The following DOCK10 variants were observed in gnomAD, a reference collection of about 807,000 sequenced individuals.
DOCK10 encodes the protein dedicator of cytokinesis protein 10.
A neutral mutation model predicts 280.1 loss-of-function variants in DOCK10; 145 were observed. The ratio of observed to expected loss-of-function variants is 0.52; its 90% CI spans 0.45 to 0.59. The LOEUF (loss-of-function observed/expected upper bound fraction) is 0.59. Ranked by LOEUF, DOCK10 falls within the 20% of genes least tolerant of loss-of-function variation. The pLI, the probability that DOCK10 is intolerant of heterozygous loss-of-function variation, is 0.00. For missense variants in DOCK10, 2,368 were observed against 2,651.7 expected (o/e 0.89, Z 2.35); for synonymous variants, 915 against 942.2 (o/e 0.97, Z 0.53).
chr2:225,030,397 C>T (rs1315264947), intron 1 of DOCK10, among the ~76,000 whole-genome samples: 4 of 152,022 alleles, frequency 2.6e-5, no homozygotes, highest in Non-Finnish European at 4.4e-5. Flanking sequence ...AAACATAAAC[C>T]GCTCTCCATC....
chr2:224,811,277 T>C (rs1693754565), intron 31 of DOCK10, among the ~76,000 whole-genome samples: 1 of 152,240 alleles, frequency 6.6e-6, no homozygotes. Flanking sequence ...GCTGCATAAA[T>C]GTCTTCTTTT....
intron 18 of DOCK10, among the ~76,000 whole-genome samples, chr2:224,851,975 G>A (rs1001721697): frequency 2.5e-4 from 38 of 151,882 alleles, no homozygotes; most frequent in African/African-American, 8.2e-4. Context: ...AGCATCCCAC[G>A]GGTCCCCCAC....
chr2:224,865,854 C>A (rs1269844493), intron 11 of DOCK10, among the ~76,000 whole-genome samples: 1 of 145,130 alleles, frequency 6.9e-6, no homozygotes, highest in Non-Finnish European at 1.5e-5. Flanking sequence ...CTCTCTCTCT[C>A]TCACACACAC....
intron 1 of DOCK10, among the ~76,000 whole-genome samples, chr2:224,985,584 G>A (rs1705951377): frequency 6.7e-6 from 1 of 149,054 alleles, no homozygotes; most frequent in Admixed American, 6.7e-5. Context: ...AGACATGTAG[G>A]AAGAAAAAGT....
In DOCK10 at chr2:224,830,637, G is replaced by C. The variant is rs754883536; in HGVS notation, c.2965-25C>G. The C allele has an allele frequency of 2.8e-6, 4 of 1,433,190 alleles. No individual in the cohort carries two copies. The East Asian group carries it at 9.6e-5, about 34-fold the overall frequency. The allele number at this position is 1,433,190 out of a possible 1,614,324, so 88.8% of individuals were successfully genotyped here. ...GCTGTTGGGAAAAAAAAGGCAACGA[G>C]ACATTTATTATCCTATGGCAAAATA... On this transcript the variant is annotated intron_variant, in intron 26 of 55. Transcript: ENST00000258390.
rs1333512497 is a variant in DOCK10, at chr2:225,008,966, C to T, written c.123+33286G>A. On this transcript the variant is annotated intron_variant, in intron 1 of 55. Transcript: ENST00000258390. ...CCATAAATCTCAAGCCAAATACGTC[C>T]AGTGAGTTGTACATTTATCATGTTA... 2.6e-5 allele frequency among the ~76,000 whole-genome samples: 4 copies of T among 152,184 alleles called. No individual in the cohort carries two copies. In the East Asian group the frequency reaches 5.8e-4, roughly 22 times the overall value.
chr2:224,991,749 A>T (rs1297020642), intron 1 of DOCK10, among the ~76,000 whole-genome samples: 1 of 152,186 alleles, frequency 6.6e-6, no homozygotes, highest in East Asian at 1.9e-4. Context: ...GATGACAGAC[A>T]ATCTGAGAAA....
chr2:224,931,016 A>G (rs527258396), intron 2 of DOCK10, among the ~76,000 whole-genome samples: 2 of 152,164 alleles, frequency 1.3e-5, no homozygotes, highest in South Asian at 2.1e-4. Flanking sequence ...GGTAGTGTGC[A>G]TTGTCCTAAA....
chr2:224,967,089 T>TC (rs1704795130), intron 1 of DOCK10, among the ~76,000 whole-genome samples: 1 of 151,730 alleles, frequency 6.6e-6, no homozygotes, highest in Non-Finnish European at 1.5e-5. Context: ...AGTCTTTTTT[T>TC]TTTTTTTTGA....
At chr2:224,916,827 A>C (rs1037917015) in intron 2 of DOCK10, 43 bp from the exon 3 acceptor site, 13 of 1,461,524 alleles carry the variant, frequency 8.9e-6, no homozygotes, top group Non-Finnish European at 1.2e-5. Context: ...CCGGCTTAGA[A>C]GTGTCGAGCA....
At chr2:224,889,424 T>C (rs1250452322) in intron 4 of DOCK10, among the ~76,000 whole-genome samples, 2 of 152,100 alleles carry the variant, frequency 1.3e-5, no homozygotes, top group Non-Finnish European at 2.9e-5. Context: ...AAGTGTTTTT[T>C]ATTGTGATAA....
At chr2:224,870,384 G>A (rs930012520) in intron 11 of DOCK10, among the ~76,000 whole-genome samples, 5 of 152,176 alleles carry the variant, frequency 3.3e-5, no homozygotes, top group South Asian at 2.1e-4. Context: ...ATGGTTTCAA[G>A]GACTAAGTTT....
intron 4 of DOCK10, among the ~76,000 whole-genome samples, chr2:224,890,403 A>G (rs1388856071): frequency 6.6e-6 from 1 of 152,226 alleles, no homozygotes; most frequent in African/African-American, 2.4e-5. Context: ...TCAATGTAAA[A>G]GGCTAAATGC....
intron 1 of DOCK10, among the ~76,000 whole-genome samples, chr2:225,034,714 C>T (rs577378515): frequency 6.6e-6 from 1 of 152,234 alleles, no homozygotes; most frequent in East Asian, 1.9e-4. Flanking sequence ...TTCAATAGCA[C>T]TTATATTACA....
Position 224,770,506 on chromosome 2 carries a change from G to A in DOCK10, c.6305+39C>T, listed in dbSNP as rs994114911. On this transcript the variant is annotated intron_variant, in intron 54 of 55. Transcript: ENST00000258390. The surrounding 1 kb of genome is among the most constrained non-coding windows in gnomAD (Gnocchi z 4.5). ...GGGGATTGAGGACTCCCTGTCTCAG[G>A]AAGTTCAAGGAAGAACATCCCAACA... The A allele has an allele frequency of 3.8e-6, 6 of 1,590,052 alleles. 1 individual carries two copies. The highest frequency in any genetic ancestry group is 1.7e-5 in the Admixed American group (1 of 59,886).
At chr2:225,020,628 AT>A (rs1278689090) in intron 1 of DOCK10, among the ~76,000 whole-genome samples, 2 of 152,240 alleles carry the variant, frequency 1.3e-5, no homozygotes, top group Admixed American at 1.3e-4. Context: ...CAGTTTGTCA[AT>A]TTAATGGCAA....
At chr2:224,940,210 A>C (rs1702950988) in intron 1 of DOCK10, among the ~76,000 whole-genome samples, 1 of 152,158 alleles carries the variant, frequency 6.6e-6, no homozygotes, top group Non-Finnish European at 1.5e-5. Context: ...CATTAGTTTG[A>C]ATCATCAAAA....
In DOCK10 at chr2:224,886,114, C is replaced by G. The variant is rs1485115445; in HGVS notation, c.561G>C (p.Trp187Cys). 6.2e-7 allele frequency: 1 copy of G among 1,613,830 alleles called. No individual in the cohort carries two copies. Among genetic ancestry groups the G allele is most frequent in the Admixed American group, 1.7e-5 (1 of 60,000 alleles). Residue 187 changes from tryptophan to cysteine, a missense_variant, in exon 6 of 56, where the codon TGG becomes TGC. Transcript: ENST00000258390. ...AGGTGVFKSGWLYKGNFNSTV... is the reference protein window; with the variant it reads ...AGGTGVFKSGCLYKGNFNSTV... ...TGCTGTTAAAATTCCCCTTGTAGAG[C>G]CAGCCGGACTTGAAAACACCAGTTC...
intron 1 of DOCK10, among the ~76,000 whole-genome samples, chr2:225,028,184 C>T (rs1689969519): frequency 6.6e-6 from 1 of 151,968 alleles, no homozygotes; most frequent in Non-Finnish European, 1.5e-5. Flanking sequence ...ATCTAGGTGG[C>T]CCAATCCAAT....
Sources: allele counts gnomAD v4.1 joint callset (sites outside exome capture counted in the v4.1 genomes callset), GRCh38; gene constraint gnomAD v4.1.1; non-coding constraint Gnocchi (gnomAD v3.1); transcripts MANE v1.5; gene names NCBI Gene and HGNC (gene_info 2026-07-23, HGNC 2026-07-21).